ANKRD17: variants seen among roughly 807,000 people sequenced by gnomAD.
ANKRD17 encodes the protein ankyrin repeat domain 17.
In ANKRD17, 19 loss-of-function variants were observed where a neutral mutation model predicts 229.7. That is an observed-to-expected ratio of 0.08 (90% CI 0.06 to 0.12). ANKRD17 has a LOEUF of 0.12. Among genes scored for constraint, ANKRD17 ranks in the 10% least tolerant of loss-of-function variants. The pLI is 1.00. For missense variants in ANKRD17, 2,176 were observed against 3,176.8 expected, an observed-to-expected ratio of 0.68 and a Z score of 7.57; for synonymous variants, 1,112 against 1,146.1, an observed-to-expected ratio of 0.97 and a Z score of 0.60.
intron 2 of ANKRD17, among the ~76,000 whole-genome samples, chr4:73,176,142 AAGATTTGAAC>A (rs1380653384): frequency 1.3e-5 from 2 of 152,192 alleles, no homozygotes; most frequent in South Asian, 4.1e-4. Context: ...AAATGGGTCA[AAGATTTGAAC>A]AGCATTTCTC....
intron 1 of ANKRD17, among the ~76,000 whole-genome samples, chr4:73,257,464 C>T (rs1456059825): frequency 6.6e-6 from 1 of 152,174 alleles, no homozygotes; most frequent in East Asian, 1.9e-4. Flanking sequence ...AAAGCCTACC[C>T]TTTGGCTGTC....
At chr4:73,222,034 T>A (rs1354833591) in intron 1 of ANKRD17, among the ~76,000 whole-genome samples, 1 of 152,170 alleles carries the variant, frequency 6.6e-6, no homozygotes, top group Admixed American at 6.5e-5. Flanking sequence ...ATAATCTTCC[T>A]GAAGATGTGA....
intron 1 of ANKRD17, among the ~76,000 whole-genome samples, chr4:73,194,935 C>G (rs1737638800): frequency 6.6e-6 from 1 of 152,096 alleles, no homozygotes; most frequent in South Asian, 2.1e-4. Context: ...TTTTTTGGTG[C>G]AATTAGAATT....
chr4:73,220,650 G>A (rs1187467456), intron 1 of ANKRD17, among the ~76,000 whole-genome samples: 1 of 152,010 alleles, frequency 6.6e-6, no homozygotes. Flanking sequence ...TTCAATAAGA[G>A]TACCTTTAAG....
intron 2 of ANKRD17, among the ~76,000 whole-genome samples, chr4:73,172,212 T>C (rs1318159561): frequency 6.6e-6 from 1 of 152,102 alleles, no homozygotes; most frequent in Non-Finnish European, 1.5e-5. Context: ...GGGGCTCCAA[T>C]ACATCTAGCA....
Position 73,177,368 on chromosome 4 carries a change from T to G in ANKRD17, c.547+12A>C. The G allele has an allele frequency of 6.3e-7, 1 of 1,582,904 alleles. No individual in the cohort carries two copies. Among genetic ancestry groups the G allele is most frequent in the Non-Finnish European group, 8.6e-7 (1 of 1,161,534 alleles). On this transcript the variant is annotated intron_variant, in intron 2 of 33. Transcript: ENST00000358602. ...ATAACAAGGTAGACTTATTACTATGTAGAGTACATACCTGCAGCTTCTAGT... is the reference window on the plus strand; with the variant it reads ...ATAACAAGGTAGACTTATTACTATGGAGAGTACATACCTGCAGCTTCTAGT...
chr4:73,205,976 G>GA (rs1739384091), intron 1 of ANKRD17, among the ~76,000 whole-genome samples: 1 of 152,010 alleles, frequency 6.6e-6, no homozygotes, highest in Non-Finnish European at 1.5e-5. Flanking sequence ...AATGGATGTG[G>GA]AAAAAATGCT....
chr4:73,122,234 C>T (rs987259068), intron 18 of ANKRD17, among the ~76,000 whole-genome samples: 1 of 152,066 alleles, frequency 6.6e-6, no homozygotes, highest in Non-Finnish European at 1.5e-5. Flanking sequence ...ACCTTATATA[C>T]ATTCACTACC....
chr4:73,186,353 G>A (rs1736289952), intron 1 of ANKRD17, among the ~76,000 whole-genome samples: 1 of 151,932 alleles, frequency 6.6e-6, no homozygotes, highest in Non-Finnish European at 1.5e-5. Flanking sequence ...CCCACTTAAA[G>A]AAATAAAATC....
intron 2 of ANKRD17, among the ~76,000 whole-genome samples, chr4:73,173,714 G>A (rs368356071): frequency 3.3e-5 from 5 of 152,196 alleles, no homozygotes; most frequent in African/African-American, 1.2e-4. Flanking sequence ...CACAGGAGAA[G>A]GATTTAACCT....
chr4:73,211,360 T>C (rs71603682), intron 1 of ANKRD17, among the ~76,000 whole-genome samples: 2,973 of 152,186 alleles, frequency 0.02, 41 homozygotes, highest in Middle Eastern at 0.038. Flanking sequence ...AGATTAAGTG[T>C]TGTAAAGATA....
At position 73,146,850 on chromosome 4, in the gene ANKRD17, CTGT is replaced by C; in HGVS notation, c.1780_1782del (p.Thr594del). On this transcript the variant is annotated inframe_deletion, in exon 10 of 34. Coordinates refer to ENST00000358602, the MANE Select transcript of ANKRD17 (RefSeq NM_032217.5). The stretch of plus-strand genomic sequence containing the variant: ...TATGTTAGTGCTGTATCCCCTGTTG[CTGT>C]TGTTGCATGAACGTTAGCTCCTGTA... 1 of 1,612,372 alleles carries C rather than the reference CTGT, an allele frequency of 6.2e-7. No homozygotes were observed. The highest frequency in any genetic ancestry group is 8.5e-7 in the Non-Finnish European group (1 of 1,178,940).
At position 73,121,211 on chromosome 4, in the gene ANKRD17, C is replaced by A; in HGVS notation, c.3636-117G>T. ...TATTTTGAAGGATTGTTTAAAATATCCATTTTTCTCAACCTTAGTAAGTCT... is the reference window on the plus strand; with the variant it reads ...TATTTTGAAGGATTGTTTAAAATATACATTTTTCTCAACCTTAGTAAGTCT... On this transcript the variant is annotated intron_variant, in intron 19 of 33. Transcript: ENST00000358602. 7.5e-6 allele frequency: 7 copies of A among 934,320 alleles called. No individual in the cohort carries two copies. The South Asian group carries it at 8.7e-5, about 12-fold the overall frequency. 57.9% of individuals were successfully genotyped at this position (934,320 alleles called of 1,614,324 possible).
At chr4:73,223,107 G>C in intron 1 of ANKRD17, 3 of 1,467,042 alleles carry the variant, frequency 2.0e-6, no homozygotes. Context: ...GTCAGCAAGG[G>C]AACAGGAAAT....
At chr4:73,163,852 TTTTC>T (rs1467571666) in intron 2 of ANKRD17, among the ~76,000 whole-genome samples, 3 of 152,202 alleles carry the variant, frequency 2.0e-5, no homozygotes, top group African/African-American at 4.8e-5. Context: ...ATTTTTATGC[TTTTC>T]TTTAATAAAA....
intron 1 of ANKRD17, among the ~76,000 whole-genome samples, chr4:73,251,522 CTT>C (rs1281491570): frequency 4.9e-5 from 7 of 141,632 alleles, no homozygotes; most frequent in Non-Finnish European, 4.6e-5. Flanking sequence ...TAATGACTTA[CTT>C]TTTTTTTTTT....
Position 73,074,255 on chromosome 4 carries a change from A to G in ANKRD17, c.*1976T>C, listed in dbSNP as rs1295628991. On this transcript the variant is annotated 3_prime_UTR_variant, in exon 34 of 34. Coordinates refer to ENST00000358602, the MANE Select transcript of ANKRD17 (RefSeq NM_032217.5). ...TGAAACAACACAACTCATGTGTTGT[A>G]ATAAATATTGGATAGCATCTGTTCT... The G allele has an allele frequency of 1.3e-5, 2 of 152,010 alleles. No individual in the cohort carries two copies. Among genetic ancestry groups the G allele is most frequent in the African/African-American group, 4.8e-5 (2 of 41,440 alleles). The allele number at this position is 152,010 out of a possible 1,614,324, so 9.4% of individuals were successfully genotyped here.
At chr4:73,084,134 C>A (rs959357561) in intron 30 of ANKRD17, among the ~76,000 whole-genome samples, 1 of 152,106 alleles carries the variant, frequency 6.6e-6, no homozygotes, top group South Asian at 2.1e-4. Context: ...GTAATCCCAG[C>A]AGTTTGGGAA....
intron 30 of ANKRD17, among the ~76,000 whole-genome samples, chr4:73,083,543 G>A (rs906214419): frequency 6.6e-6 from 1 of 152,102 alleles, no homozygotes; most frequent in Non-Finnish European, 1.5e-5. Context: ...GAAATTTTTT[G>A]TAACAAAATA....
Sources: gnomAD v4.1 joint callset for allele counts (sites outside exome capture counted in the v4.1 genomes callset) on GRCh38, gnomAD v4.1.1 for gene constraint, MANE v1.5 for transcripts, NCBI Gene and HGNC (gene_info 2026-07-23, HGNC 2026-07-21) for gene names.